The following RAP1GAP2 variants were observed in gnomAD, a reference collection of about 807,000 sequenced individuals.
RAP1GAP2 encodes the protein RAP1 GTPase activating protein 2.
A neutral mutation model predicts 95.0 loss-of-function variants in RAP1GAP2; 27 were observed. The ratio of observed to expected loss-of-function variants is 0.28; its 90% CI spans 0.21 to 0.39. The LOEUF (loss-of-function observed/expected upper bound fraction) is 0.39. RAP1GAP2 is among the 10% of genes least tolerant of loss of function. The probability of loss-of-function intolerance (pLI) is 1.00; values close to 1 mark genes in which losing one functional copy is unlikely to be tolerated. For synonymous variants in RAP1GAP2, 373 were observed against 380.9 expected, an observed-to-expected ratio of 0.98 and a Z score of 0.24; for missense variants, 771 against 970.0, an observed-to-expected ratio of 0.79 and a Z score of 2.72.
intron 3 of RAP1GAP2, among the ~76,000 whole-genome samples, chr17:2,948,985 T>C (rs1038472880): frequency 6.6e-6 from 1 of 152,218 alleles, no homozygotes; most frequent in Non-Finnish European, 1.5e-5. Context: ...TTGTGGTTCT[T>C]GTTCACGTCT....
Position 2,768,692 on chromosome 17 carries a change from CA to C in RAP1GAP2, c.51-1619del, listed in dbSNP as rs59118427. On this transcript the variant is annotated intron_variant, in intron 1 of 25. Coordinates refer to the RAP1GAP2 transcript ENST00000637138. ...GGGCAACAAGAGCGAAACTCTGTCT[CA>C]AAAAAAAAAAAAAAAAAGAGTTGAA... 8.0e-3 allele frequency among the ~76,000 whole-genome samples: 891 copies of C among 111,372 alleles called. 6 individuals carry two copies. Among genetic ancestry groups the C allele is most frequent in the African/African-American group, 0.024 (673 of 28,216 alleles). 73.1% of individuals were successfully genotyped at this position (111,372 alleles called of 152,430 possible).
intron 2 of RAP1GAP2, among the ~76,000 whole-genome samples, chr17:2,832,629 G>C (rs1233317749): frequency 6.6e-6 from 1 of 151,018 alleles, no homozygotes; most frequent in Non-Finnish European, 1.5e-5. Flanking sequence ...CCTCCCCAGA[G>C]TAGCCACTGT....
intron 10 of RAP1GAP2, among the ~76,000 whole-genome samples, chr17:2,984,090 C>G (rs2045467775): frequency 6.6e-6 from 1 of 152,232 alleles, no homozygotes; most frequent in Non-Finnish European, 1.5e-5. Context: ...GTAGCTCATG[C>G]CTGTAACCTC....
At chr17:2,999,747 G>C (rs2046087597) in intron 14 of RAP1GAP2, among the ~76,000 whole-genome samples, 1 of 149,424 alleles carries the variant, frequency 6.7e-6, no homozygotes, top group South Asian at 2.1e-4. Flanking sequence ...AGAAGTTCAA[G>C]ACCAGCCTGG....
intron 1 of RAP1GAP2, among the ~76,000 whole-genome samples, chr17:2,765,008 A>C (rs2068247659): frequency 2.0e-5 from 3 of 152,138 alleles, no homozygotes; most frequent in Admixed American, 2.0e-4. Flanking sequence ...GGGATTAATC[A>C]GGGTGGGCTT....
rs534097188 is a variant in RAP1GAP2, at chr17:3,008,463, C to T, written c.1494+318C>T. On this transcript the variant is annotated intron_variant, in intron 17 of 24. Coordinates refer to ENST00000254695, the MANE Select transcript of RAP1GAP2 (RefSeq NM_015085.5). This position sits in a 1 kb window ranked among gnomAD's most constrained non-coding sequence, Gnocchi z 4.2. The stretch of plus-strand genomic sequence containing the variant: ...AGGAGCTGGAGCAAGCCAGGAACAT[C>T]GGCGCTTTCACCTGCCTCCTCCTGG... Among the ~76,000 whole-genome samples the T allele has an allele frequency of 2.6e-5, 4 of 152,308 alleles. No individual in the cohort carries two copies. The highest frequency in any genetic ancestry group is 6.5e-5 in the Admixed American group (1 of 15,310).
chr17:2,886,758 T>G (rs2073518306), intron 2 of RAP1GAP2, among the ~76,000 whole-genome samples: 1 of 152,092 alleles, frequency 6.6e-6, no homozygotes. Flanking sequence ...GCCCAGTGGC[T>G]CAGCACACCA....
chr17:2,987,355 T>TTTTTTA (rs1203213581), intron 11 of RAP1GAP2, among the ~76,000 whole-genome samples: 3 of 152,224 alleles, frequency 2.0e-5, no homozygotes, highest in Non-Finnish European at 2.9e-5. Flanking sequence ...CATACATTTA[T>TTTTTTA]TTTTTATTTT....
At chr17:2,879,427 C>A (rs1024624406) in intron 2 of RAP1GAP2, among the ~76,000 whole-genome samples, 1 of 152,024 alleles carries the variant, frequency 6.6e-6, no homozygotes, top group Non-Finnish European at 1.5e-5. Context: ...CAAAGCCCTT[C>A]TTACATTGAA....
At chr17:2,810,593 C>T (rs60958330) in intron 2 of RAP1GAP2, among the ~76,000 whole-genome samples, 6 of 130,644 alleles carry the variant, frequency 4.6e-5, no homozygotes, top group African/African-American at 1.1e-4. Context: ...TGCAATGGTA[C>T]GATCTTGGCT....
At position 3,003,434 on chromosome 17, in the gene RAP1GAP2, C is replaced by T. The variant is rs1433779402; in HGVS notation, c.1201-1935C>T. 6.6e-6 allele frequency among the ~76,000 whole-genome samples: 1 copy of T among 152,126 alleles called. No individual in the cohort carries two copies. Among genetic ancestry groups the T allele is most frequent in the East Asian group, 1.9e-4 (1 of 5,182 alleles). Reference sequence around the variant, plus strand: ...AGGTGTCAGGAATCTCAGGTGAAGCCCACCGCCGGGGAGGGCCCTGTCTTT... The same window carrying T: ...AGGTGTCAGGAATCTCAGGTGAAGCTCACCGCCGGGGAGGGCCCTGTCTTT... On this transcript the variant is annotated intron_variant, in intron 14 of 24. Transcript: ENST00000254695. This position sits in a 1 kb window ranked among gnomAD's most constrained non-coding sequence, Gnocchi z 4.1.
chr17:2,791,857 C>T (rs965508234), upstream of RAP1GAP2, among the ~76,000 whole-genome samples: 1 of 136,032 alleles, frequency 7.4e-6, no homozygotes, highest in African/African-American at 2.7e-5. Context: ...CCTTTTCTCT[C>T]TTTTTTTTTT....
intron 12 of RAP1GAP2, among the ~76,000 whole-genome samples, chr17:2,991,731 G>GT (rs1052177065): frequency 4.6e-5 from 7 of 152,244 alleles, no homozygotes; most frequent in Non-Finnish European, 7.4e-5. Context: ...GCCCCGTGCA[G>GT]TTTTGGGGGG....
chr17:2,771,544 A>C (rs1597278109), intron 2 of RAP1GAP2, among the ~76,000 whole-genome samples: 1 of 130,496 alleles, frequency 7.7e-6, no homozygotes, highest in Admixed American at 8.8e-5. Flanking sequence ...TCCAGGCTGG[A>C]GTGTAATGGC....
rs1331869802 is a variant in RAP1GAP2 at position 3,035,931 on chromosome 17, C to G, written c.*2570C>G. 6.6e-6 allele frequency: 1 copy of G among 152,246 alleles called. No homozygotes were observed. The highest frequency in any genetic ancestry group is 1.5e-5 in the Non-Finnish European group (1 of 68,062). The allele number at this position is 152,246 out of a possible 1,614,324, so 9.4% of individuals were successfully genotyped here. A position where few individuals can be genotyped will look rare whatever the true frequency, so the allele number is the denominator to read the frequency against. On this transcript the variant is annotated 3_prime_UTR_variant, in exon 25 of 25. Coordinates refer to ENST00000254695, the MANE Select transcript of RAP1GAP2 (RefSeq NM_015085.5). The surrounding 1 kb of genome is among the most constrained non-coding windows in gnomAD (Gnocchi z 4.3). ...CGTGACTAGGCTCATCTAGATGGTGCTCACGCTGGTGTTTGAGGCATTTCC... is the reference window on the plus strand; with the variant it reads ...CGTGACTAGGCTCATCTAGATGGTGGTCACGCTGGTGTTTGAGGCATTTCC...
chr17:2,892,471 G>C (rs2073756863), intron 2 of RAP1GAP2, among the ~76,000 whole-genome samples: 1 of 152,110 alleles, frequency 6.6e-6, no homozygotes. Flanking sequence ...CAGATGGCTG[G>C]AGATGACTGC....
rs910502745 is a variant in RAP1GAP2, at chr17:3,004,318, G to A, written c.1201-1051G>A. Among the ~76,000 whole-genome samples the A allele has an allele frequency of 8.5e-5, 13 of 152,220 alleles. No homozygotes were observed. Among genetic ancestry groups the A allele is most frequent in the Admixed American group, 6.5e-5 (1 of 15,282 alleles). ...AGCCCGTATTGACCAGCTCTCTCCC[G>A]CTCCGTTTCCCCTCCGGACTCTGGC... On this transcript the variant is annotated intron_variant, in intron 14 of 24. Coordinates refer to ENST00000254695, the MANE Select transcript of RAP1GAP2 (RefSeq NM_015085.5). This position sits in a 1 kb window ranked among gnomAD's most constrained non-coding sequence, Gnocchi z 4.1.
chr17:2,756,539 G>A (rs2151751821), intron 1 of RAP1GAP2, among the ~76,000 whole-genome samples: 1 of 152,272 alleles, frequency 6.6e-6, no homozygotes, highest in Non-Finnish European at 1.5e-5. Flanking sequence ...TCTGCTTGGC[G>A]GCACTTGGAG....
At chr17:2,953,903 G>A (rs888394832) in intron 3 of RAP1GAP2, among the ~76,000 whole-genome samples, 1 of 152,116 alleles carries the variant, frequency 6.6e-6, no homozygotes, top group African/African-American at 2.4e-5. Context: ...TGGTATTCAC[G>A]GAGCTGTGTA....
Sources: allele counts gnomAD v4.1 joint callset (sites outside exome capture counted in the v4.1 genomes callset), GRCh38; gene constraint gnomAD v4.1.1; non-coding constraint Gnocchi (gnomAD v3.1); transcripts MANE v1.5; gene names NCBI Gene and HGNC (gene_info 2026-07-23, HGNC 2026-07-21).